The following PPP2R2C variants were observed in gnomAD, a reference collection of about 807,000 sequenced individuals.
PPP2R2C encodes the protein protein phosphatase 2 regulatory subunit Bgamma.
Under a neutral mutation model 45.3 loss-of-function variants are expected in PPP2R2C, and 10 were observed. That is an observed-to-expected ratio of 0.22 (90% CI 0.14 to 0.37). The LOEUF (loss-of-function observed/expected upper bound fraction) is 0.37, where lower values mean the gene tolerates loss of function less well. Among genes scored for constraint, PPP2R2C ranks in the 10% least tolerant of loss-of-function variants. The probability of loss-of-function intolerance (pLI) is 1.00; values close to 1 mark genes in which losing one functional copy is unlikely to be tolerated. For missense variants in PPP2R2C, 308 were observed against 619.7 expected, an observed-to-expected ratio of 0.50 and a Z score of 5.34; for synonymous variants, 257 against 245.4, an observed-to-expected ratio of 1.05 and a Z score of -0.44.
At chr4:6,393,340 G>A (rs575428936) in intron 1 of PPP2R2C, among the ~76,000 whole-genome samples, 7 of 152,204 alleles carry the variant, frequency 4.6e-5, no homozygotes, top group Non-Finnish European at 8.8e-5. Context: ...TCATACAGCA[G>A]CACGTGGCCT....
chr4:6,363,947 G>A (rs564941314), intron 5 of PPP2R2C, among the ~76,000 whole-genome samples: 1 of 152,258 alleles, frequency 6.6e-6, no homozygotes, highest in African/African-American at 2.4e-5. Flanking sequence ...AGGAGGCCGG[G>A]GTCCTCCCCA....
intron 1 of PPP2R2C, among the ~76,000 whole-genome samples, chr4:6,449,770 G>A (rs1720639868): frequency 6.6e-6 from 1 of 152,228 alleles, no homozygotes; most frequent in African/African-American, 2.4e-5. Flanking sequence ...TGCTCTGAAT[G>A]GCCAGAATCT....
At chr4:6,428,182 C>T (rs752444360) in intron 1 of PPP2R2C, among the ~76,000 whole-genome samples, 1 of 152,214 alleles carries the variant, frequency 6.6e-6, no homozygotes, top group Non-Finnish European at 1.5e-5. Flanking sequence ...AAGATCAAGA[C>T]TGTTTGGTGG....
chr4:6,487,807 C>T (rs546464810), intron 2 of PPP2R2C, among the ~76,000 whole-genome samples: 1 of 151,534 alleles, frequency 6.6e-6, no homozygotes, highest in South Asian at 2.1e-4. Context: ...TTTTTCTGTC[C>T]CTTCCTCTCC....
At chr4:6,512,419 A>G (rs868468849) in intron 2 of PPP2R2C, among the ~76,000 whole-genome samples, 421 of 10,024 alleles carry the variant, frequency 0.042, no homozygotes, top group Non-Finnish European at 0.054. Context: ...GGTGGTGGTG[A>G]TGGTGGGGGT....
intron 2 of PPP2R2C, among the ~76,000 whole-genome samples, chr4:6,494,528 C>T (rs1486537038): frequency 6.6e-6 from 1 of 152,224 alleles, no homozygotes; most frequent in Non-Finnish European, 1.5e-5. Flanking sequence ...CGGAGGGCCA[C>T]CTGGACCACA....
upstream of PPP2R2C, among the ~76,000 whole-genome samples, chr4:6,473,086 A>C (rs4076353): frequency 0.86 from 130,485 of 151,898 alleles, 57,555 homozygotes; most frequent in South Asian, 0.98. Context: ...TGGGAGCATT[A>C]AGTACATGTG....
At chr4:6,473,990 G>A (rs998183489), upstream of PPP2R2C, among the ~76,000 whole-genome samples, 4 of 152,228 alleles carry the variant, frequency 2.6e-5, no homozygotes, top group African/African-American at 9.6e-5. Context: ...GCCCTGCCCT[G>A]TTCCAGCCTC....
At chr4:6,451,760 C>T (rs1720743018) in intron 1 of PPP2R2C, among the ~76,000 whole-genome samples, 1 of 152,174 alleles carries the variant, frequency 6.6e-6, no homozygotes, top group South Asian at 2.1e-4. Flanking sequence ...CCTCAGTGCT[C>T]TGAGGGACCT....
intron 5 of PPP2R2C, among the ~76,000 whole-genome samples, chr4:6,356,709 C>T (rs73795999): frequency 0.017 from 2,549 of 152,348 alleles, 67 homozygotes; most frequent in African/African-American, 0.058. Context: ...AGAAGGTCTG[C>T]GGCCTGTTCT....
chr4:6,539,149 AAGAGAG>A (rs71999244), intron 1 of PPP2R2C, among the ~76,000 whole-genome samples: 1 of 150,768 alleles, frequency 6.6e-6, no homozygotes, highest in South Asian at 2.1e-4. Flanking sequence ...AAAAAAAAAA[AAGAGAG>A]AGAGGGCGGA....
intron 2 of PPP2R2C, among the ~76,000 whole-genome samples, chr4:6,513,995 C>G (rs755711208): frequency 6.6e-6 from 1 of 152,190 alleles, no homozygotes; most frequent in Non-Finnish European, 1.5e-5. Flanking sequence ...TGTTCAAATA[C>G]AGATGGGGTG....
intron 2 of PPP2R2C, among the ~76,000 whole-genome samples, chr4:6,481,575 A>G (rs561324143): frequency 6.6e-6 from 1 of 152,334 alleles, no homozygotes; most frequent in African/African-American, 2.4e-5. Context: ...TAACAAGTCA[A>G]TATCAAGTAG....
At chr4:6,392,537 C>T (rs1267782641) in intron 1 of PPP2R2C, among the ~76,000 whole-genome samples, 1 of 152,148 alleles carries the variant, frequency 6.6e-6, no homozygotes, top group African/African-American at 2.4e-5. Flanking sequence ...GAGGGAGCCT[C>T]ACAGATATCA....
chr4:6,462,075 C>G (rs1335180960), intron 1 of PPP2R2C, among the ~76,000 whole-genome samples: 1 of 152,190 alleles, frequency 6.6e-6, no homozygotes, highest in Non-Finnish European at 1.5e-5. Context: ...CAGGGAGTGG[C>G]GAGGGCACCA....
Position 6,563,577 on chromosome 4 carries a change from T to G in PPP2R2C, c.-76A>C, listed in dbSNP as rs1725654439. The stretch of plus-strand genomic sequence containing the variant: ...GCGCTTACCTTCGGAAACTTCGAGG[T>G]CGGCGGCCCCATTGAGCTGGCACAG... On this transcript the variant is annotated 5_prime_UTR_variant, in exon 1 of 10. Transcript: ENST00000506140. This position sits in a 1 kb window ranked among gnomAD's most constrained non-coding sequence, Gnocchi z 5.8. 1.3e-5 allele frequency: 2 copies of G among 150,020 alleles called. No individual in the cohort carries two copies. Among genetic ancestry groups the G allele is most frequent in the South Asian group, 3.6e-4 (2 of 5,530 alleles). The allele number at this position is 150,020 out of a possible 1,614,324, so 9.3% of individuals were successfully genotyped here. A position where few individuals can be genotyped will look rare whatever the true frequency, so the allele number is the denominator to read the frequency against.
intron 1 of PPP2R2C, among the ~76,000 whole-genome samples, chr4:6,426,760 C>G (rs1271997093): frequency 1.3e-5 from 2 of 152,186 alleles, no homozygotes; most frequent in Non-Finnish European, 2.9e-5. Context: ...GTTCAGCTGC[C>G]TCCATCCACT....
chr4:6,383,199 C>A (rs1365337911), intron 1 of PPP2R2C: 4 of 1,190,030 alleles, frequency 3.4e-6, no homozygotes, highest in Non-Finnish European at 4.2e-6. Context: ...GGCCCACTGG[C>A]CCCTGAGGGG....
intron 2 of PPP2R2C, among the ~76,000 whole-genome samples, chr4:6,513,042 G>A (rs1723720308): frequency 6.6e-6 from 1 of 152,028 alleles, no homozygotes; most frequent in Admixed American, 6.5e-5. Flanking sequence ...AATTAATTTT[G>A]CTCTAAGTAT....
Sources: allele counts gnomAD v4.1 joint callset (sites outside exome capture counted in the v4.1 genomes callset), GRCh38; gene constraint gnomAD v4.1.1; non-coding constraint Gnocchi (gnomAD v3.1); transcripts MANE v1.5; gene names NCBI Gene and HGNC (gene_info 2026-07-23, HGNC 2026-07-21).